SH3PXD2B: variants seen among roughly 807,000 people sequenced by gnomAD.
SH3PXD2B encodes the protein SH3 and PX domains 2B.
SH3PXD2B carries 37 observed loss-of-function variants against 73.1 expected under a neutral mutation model. The ratio of observed to expected loss-of-function variants is 0.51; its 90% CI spans 0.39 to 0.67. SH3PXD2B has a LOEUF of 0.67. Among genes scored for constraint, SH3PXD2B ranks in the 30% least tolerant of loss-of-function variants. The pLI, the probability that SH3PXD2B is intolerant of heterozygous loss-of-function variation, is 0.00. For missense variants in SH3PXD2B, 1,053 were observed against 1,197.8 expected (o/e 0.88, Z 1.78); for synonymous variants, 457 against 480.5 (o/e 0.95, Z 0.64).
In SH3PXD2B at chr5:172,445,847, G is replaced by A. The variant is rs1035960886; in HGVS notation, c.75+8431C>T. Among the ~76,000 whole-genome samples the A allele has an allele frequency of 5.3e-5, 8 of 152,340 alleles. No homozygotes were observed. In the South Asian group the frequency reaches 1.2e-3, roughly 24 times the overall value. The stretch of plus-strand genomic sequence containing the variant: ...CTGAGAGTCATGCCCGCCTGCAGGT[G>A]TGCATCTGGGCCAGCAAATAAGGGA... On this transcript the variant is annotated intron_variant, in intron 1 of 12. Transcript: ENST00000311601. This position sits in a 1 kb window ranked among gnomAD's most constrained non-coding sequence, Gnocchi z 5.2.
At chr5:172,362,490 T>G (rs1239616691) in intron 7 of SH3PXD2B, among the ~76,000 whole-genome samples, 1 of 152,186 alleles carries the variant, frequency 6.6e-6, no homozygotes, top group Non-Finnish European at 1.5e-5. Context: ...AAGGAATGTT[T>G]ATAAAATGTC....
chr5:172,414,579 T>C (rs10078237), intron 2 of SH3PXD2B, among the ~76,000 whole-genome samples: 78,374 of 151,604 alleles, frequency 0.52, 22,196 homozygotes, highest in African/African-American at 0.74. Context: ...AAGGCATAGA[T>C]GGAGATGCAG....
intron 5 of SH3PXD2B, among the ~76,000 whole-genome samples, chr5:172,380,336 C>T (rs1331342633): frequency 6.6e-6 from 1 of 152,176 alleles, no homozygotes; most frequent in Non-Finnish European, 1.5e-5. Flanking sequence ...GCTGGGATTA[C>T]AGGCGTGAGG....
chr5:172,408,414 G>A lies in SH3PXD2B; in HGVS notation c.157-2062C>T, dbSNP rs1050122583. On this transcript the variant is annotated intron_variant, in intron 2 of 12. Transcript: ENST00000311601. ...CTCCAGAGCAGCTGGGACTATAGGCGTGTGCCACCATGCTCAGCTAATTTT... is the reference window on the plus strand; with the variant it reads ...CTCCAGAGCAGCTGGGACTATAGGCATGTGCCACCATGCTCAGCTAATTTT... Among the ~76,000 whole-genome samples, 3 of 151,954 alleles carry A rather than the reference G, an allele frequency of 2.0e-5. No individual in the cohort carries two copies. In the South Asian group the frequency reaches 6.2e-4, roughly 31 times the overall value.
At chr5:172,357,098 A>G (rs2436414) in intron 8 of SH3PXD2B, among the ~76,000 whole-genome samples, 101,245 of 134,442 alleles carry the variant, frequency 0.75, 38,843 homozygotes, top group African/African-American at 0.91. Context: ...CAGCCTGAGT[A>G]ACAGAGTGAG....
At chr5:172,329,075 A>ATTTTT (rs1561884420), downstream of SH3PXD2B, among the ~76,000 whole-genome samples, 14 of 71,116 alleles carry the variant, frequency 2.0e-4, no homozygotes, top group African/African-American at 5.5e-4. Flanking sequence ...ATATATATAT[A>ATTTTT]TATATATATT....
At chr5:172,395,801 C>T (rs914187259) in intron 3 of SH3PXD2B, among the ~76,000 whole-genome samples, 1 of 152,014 alleles carries the variant, frequency 6.6e-6, no homozygotes, top group Non-Finnish European at 1.5e-5. Flanking sequence ...CTACCAAGCT[C>T]GTGCAGAGCA....
At chr5:172,329,081 A>ATTTTT (rs67185423), downstream of SH3PXD2B, among the ~76,000 whole-genome samples, 9,649 of 66,502 alleles carry the variant, frequency 0.15, 767 homozygotes, top group South Asian at 0.29. Flanking sequence ...ATATATATAT[A>ATTTTT]TATTTTTTTT....
intron 6 of SH3PXD2B, among the ~76,000 whole-genome samples, chr5:172,364,887 G>GT (rs1287193661): frequency 6.6e-6 from 1 of 151,724 alleles, no homozygotes; most frequent in Non-Finnish European, 1.5e-5. Flanking sequence ...AGAGCTGGTA[G>GT]TTAAGCATCC....
At chr5:172,406,415 C>T (rs1487834944) in intron 2 of SH3PXD2B, 63 bp from the exon 3 acceptor site, 8 of 1,548,224 alleles carry the variant, frequency 5.2e-6, no homozygotes, top group South Asian at 3.3e-5. Flanking sequence ...TCATCTAGGA[C>T]ATTTTAAAGA....
chr5:172,382,854 G>A (rs1461571014), intron 4 of SH3PXD2B, among the ~76,000 whole-genome samples: 1 of 151,766 alleles, frequency 6.6e-6, no homozygotes, highest in African/African-American at 2.4e-5. Context: ...CTAGTCTCCT[G>A]AGTAGCTGGG....
chr5:172,379,202 C>T (rs996515658), intron 5 of SH3PXD2B, among the ~76,000 whole-genome samples: 14 of 151,456 alleles, frequency 9.2e-5, no homozygotes, highest in Admixed American at 2.6e-4. Context: ...TGGAGCCCCC[C>T]GGATAGGATT....
At chr5:172,420,975 G>A (rs766061738) in intron 2 of SH3PXD2B, among the ~76,000 whole-genome samples, 3 of 152,138 alleles carry the variant, frequency 2.0e-5, no homozygotes, top group Non-Finnish European at 4.4e-5. Context: ...TATTCTCCTA[G>A]GACGTTCAGT....
intron 12 of SH3PXD2B, among the ~76,000 whole-genome samples, chr5:172,343,278 C>A (rs919331781): frequency 6.6e-6 from 1 of 152,164 alleles, no homozygotes; most frequent in Non-Finnish European, 1.5e-5. Flanking sequence ...ACTGGGCATA[C>A]GAGTCATCGT....
intron 3 of SH3PXD2B, among the ~76,000 whole-genome samples, chr5:172,394,849 G>C (rs1450165831): frequency 2.0e-5 from 3 of 152,162 alleles, no homozygotes; most frequent in Non-Finnish European, 4.4e-5. Flanking sequence ...TTTAACACAA[G>C]GGCTTGGGGG....
intron 4 of SH3PXD2B, among the ~76,000 whole-genome samples, chr5:172,386,692 G>A (rs1201832285): frequency 6.6e-6 from 1 of 152,062 alleles, no homozygotes; most frequent in Admixed American, 6.6e-5. Flanking sequence ...GCACGGGGTG[G>A]GATCTCAGCT....
intron 1 of SH3PXD2B, among the ~76,000 whole-genome samples, chr5:172,433,976 G>A (rs1434513102): frequency 6.6e-6 from 1 of 152,200 alleles, no homozygotes; most frequent in Non-Finnish European, 1.5e-5. Context: ...CATTAAGCAT[G>A]CAAGAATTTG....
At position 172,339,681 on chromosome 5, in the gene SH3PXD2B, T is replaced by C; in HGVS notation, c.1424A>G (p.His475Arg). 3.7e-6 allele frequency: 6 copies of C among 1,614,226 alleles called. No homozygotes were observed. Among genetic ancestry groups the C allele is most frequent in the Non-Finnish European group, 5.1e-6 (6 of 1,180,046 alleles). ...GPSRPLPDAP[H>R]GVMDSGLPWS... ...TGGCAACCCCGAGTCCATGACACCA[T>C]GCGGTGCGTCAGGCAGGGGCCGGGA... is the stretch of plus-strand genomic sequence containing the variant. Residue 475 changes from histidine (H) to arginine (R), a missense_variant, in exon 13 of 13, where the codon CAT (histidine) becomes CGT (arginine). By Grantham distance (29) the His-to-Arg change is conservative. Around this residue, in one of 2 missense-constraint regions of SH3PXD2B, gnomAD observed 587 missense variants for 590.7 expected, o/e 0.99. Transcript: ENST00000311601. This position sits in a 1 kb window ranked among gnomAD's most constrained non-coding sequence, Gnocchi z 6.1.
intron 12 of SH3PXD2B, among the ~76,000 whole-genome samples, chr5:172,327,156 G>A (rs1756461921): frequency 6.6e-6 from 1 of 152,060 alleles, no homozygotes; most frequent in Non-Finnish European, 1.5e-5. Context: ...CACCGCGCCT[G>A]GCCTGAAGAT....
Sources: allele counts gnomAD v4.1 joint callset (sites outside exome capture counted in the v4.1 genomes callset), GRCh38; gene constraint gnomAD v4.1.1; regional missense constraint gnomAD v4.1.1; non-coding constraint Gnocchi (gnomAD v3.1); transcripts MANE v1.5; gene names NCBI Gene and HGNC (gene_info 2026-07-23, HGNC 2026-07-21).